The following TIAM1 variants were observed in gnomAD, a reference collection of about 807,000 sequenced individuals.
TIAM1 encodes TIAM Rac1 associated GEF 1.
A neutral mutation model predicts 163.5 loss-of-function variants in TIAM1; 65 were observed. That is an observed-to-expected ratio of 0.40 (90% CI 0.33 to 0.49). TIAM1 has a LOEUF of 0.49. TIAM1 is among the 20% of genes least tolerant of loss of function. The pLI is 0.77. For missense variants in TIAM1, 1,789 were observed against 2,044.7 expected, an observed-to-expected ratio of 0.87 and a Z score of 2.41; for synonymous variants, 833 against 810.1, an observed-to-expected ratio of 1.03 and a Z score of -0.48.
chr21:31,349,949 G>A (rs564605725), intron 2 of TIAM1, among the ~76,000 whole-genome samples: 4 of 152,332 alleles, frequency 2.6e-5, no homozygotes, highest in African/African-American at 4.8e-5. Flanking sequence ...CTAAATGGGC[G>A]AATGGGCACT....
intron 5 of TIAM1, among the ~76,000 whole-genome samples, chr21:31,249,137 C>A (rs743317): frequency 0.26 from 39,431 of 152,046 alleles, 7,777 homozygotes; most frequent in African/African-American, 0.53. Context: ...ATATGATCAT[C>A]TTTGGAAATA....
At chr21:31,452,598 A>G in intron 2 of TIAM1, 1 of 568,068 alleles carries the variant, frequency 1.8e-6, no homozygotes, top group Non-Finnish European at 3.3e-6. Context: ...ATATAGCACT[A>G]AGTTATGTGC....
In TIAM1 at chr21:31,339,345, A is replaced by G; in HGVS notation, c.-291T>C. The G allele has an allele frequency of 2.5e-6, 1 of 398,666 alleles. No individual in the cohort carries two copies. Among genetic ancestry groups the G allele is most frequent in the African/African-American group, 2.1e-5 (1 of 48,764 alleles). 24.7% of individuals were successfully genotyped at this position (398,666 alleles called of 1,614,324 possible). On this transcript the variant is annotated 5_prime_UTR_variant, in exon 2 of 28. It removes an upstream start codon present in the reference 5' UTR. Transcript: ENST00000541036. ...GACTAGGATTCAGAGCATTATGCCC[A>G]TGGTACCAACCAGCCTCCTCTTCCT...
chr21:31,549,030 C>T (rs2833445), intron 1 of TIAM1, among the ~76,000 whole-genome samples: 9,808 of 152,256 alleles, frequency 0.064, 383 homozygotes, highest in Middle Eastern at 0.095. Context: ...GTTTAACACC[C>T]AAAAGCTGAT....
intron 2 of TIAM1, among the ~76,000 whole-genome samples, chr21:31,288,681 T>C (rs879148705): frequency 6.6e-6 from 1 of 152,144 alleles, no homozygotes; most frequent in Non-Finnish European, 1.5e-5. Context: ...ACACAAATAA[T>C]GGCCAATTCC....
intron 3 of TIAM1, among the ~76,000 whole-genome samples, chr21:31,269,023 G>C (rs990759293): frequency 3.8e-4 from 58 of 152,162 alleles, no homozygotes; most frequent in Admixed American, 6.5e-5. Flanking sequence ...GAAATAAATT[G>C]AGTAAAAGGC....
intron 12 of TIAM1, among the ~76,000 whole-genome samples, chr21:31,202,439 G>A (rs1250758925): frequency 6.6e-6 from 1 of 151,994 alleles, no homozygotes; most frequent in African/African-American, 2.4e-5. Context: ...GGAGCTGCGT[G>A]CCTGTGGTTC....
chr21:31,263,569 GC>G (rs2072595639), intron 4 of TIAM1, among the ~76,000 whole-genome samples: 1 of 152,058 alleles, frequency 6.6e-6, no homozygotes, highest in Non-Finnish European at 1.5e-5. Flanking sequence ...CCTTTGCTTT[GC>G]CCATTTTCTG....
intron 2 of TIAM1, among the ~76,000 whole-genome samples, chr21:31,314,393 C>T (rs1432578022): frequency 6.6e-6 from 1 of 152,192 alleles, no homozygotes; most frequent in Non-Finnish European, 1.5e-5. Context: ...GCCCACTAAA[C>T]TCTTTGACCC....
At position 31,226,027 on chromosome 21, in the gene TIAM1, AG is replaced by A. The variant is rs1206841631; in HGVS notation, c.1585-78del. The A allele has an allele frequency of 1.1e-5, 15 of 1,317,618 alleles. No individual in the cohort carries two copies. In the East Asian group the frequency reaches 3.3e-4, roughly 29 times the overall value. The allele number at this position is 1,317,618 out of a possible 1,614,324, so 81.6% of individuals were successfully genotyped here. The stretch of plus-strand genomic sequence containing the variant: ...GAGAAATGAACCGGAGCATTTCCAG[AG>A]AAGCAATGCCTGGGAGTCGAGGTGA... On this transcript the variant is annotated intron_variant, in intron 6 of 27. Coordinates refer to ENST00000541036, the MANE Select transcript of TIAM1 (RefSeq NM_001353694.2).
chr21:31,154,019 A>C (rs1284299582), intron 17 of TIAM1, among the ~76,000 whole-genome samples: 3 of 152,142 alleles, frequency 2.0e-5, no homozygotes, highest in Non-Finnish European at 4.4e-5. Context: ...AGCTATGATC[A>C]CACCACTGTA....
chr21:31,421,475 G>C (rs1486732508), intron 2 of TIAM1, among the ~76,000 whole-genome samples: 1 of 152,216 alleles, frequency 6.6e-6, no homozygotes, highest in African/African-American at 2.4e-5. Flanking sequence ...TCCGCCTCCT[G>C]TCAGATCAGC....
intron 2 of TIAM1, among the ~76,000 whole-genome samples, chr21:31,309,242 GT>G (rs1401300729): frequency 6.6e-6 from 1 of 152,210 alleles, no homozygotes; most frequent in Non-Finnish European, 1.5e-5. Flanking sequence ...CAAATCACCT[GT>G]GGTCAAGAGT....
At chr21:31,296,715 G>A (rs891462434) in intron 2 of TIAM1, among the ~76,000 whole-genome samples, 22 of 151,892 alleles carry the variant, frequency 1.4e-4, no homozygotes, top group Non-Finnish European at 2.5e-4. Context: ...CCAGGCTGGA[G>A]TGCAGTGGTG....
chr21:31,247,934 C>T (rs2071593635), intron 5 of TIAM1, among the ~76,000 whole-genome samples: 1 of 152,130 alleles, frequency 6.6e-6, no homozygotes, highest in Non-Finnish European at 1.5e-5. Context: ...CCGTTTTCCT[C>T]TAAGTCAGAG....
chr21:31,240,476 AC>A (rs2146697162), intron 6 of TIAM1, among the ~76,000 whole-genome samples: 1 of 152,308 alleles, frequency 6.6e-6, no homozygotes, highest in South Asian at 2.1e-4. Context: ...GCTGTGTAGC[AC>A]CACAGGAGGG....
chr21:31,286,885 A>C (rs537284642), intron 2 of TIAM1, among the ~76,000 whole-genome samples: 6 of 152,298 alleles, frequency 3.9e-5, no homozygotes, highest in African/African-American at 1.4e-4. Context: ...TTGAGTCCCA[A>C]GTCACTCCCT....
chr21:31,245,680 G>T lies in TIAM1; in HGVS notation c.1412-20C>A. ...TGCATCCTGAGGAAACAGAACAGGG[G>T]TGTGCATGAGTATTCAGTGCTTGGG... is the stretch of plus-strand genomic sequence containing the variant. On this transcript the variant is annotated intron_variant, in intron 5 of 27. Transcript: ENST00000541036. 1.3e-6 allele frequency: 2 copies of T among 1,496,310 alleles called. No homozygotes were observed. Among genetic ancestry groups the T allele is most frequent in the African/African-American group, 1.4e-5 (1 of 70,936 alleles). 92.7% of individuals were successfully genotyped at this position (1,496,310 alleles called of 1,614,324 possible). A position where few individuals can be genotyped will look rare whatever the true frequency, so the allele number is the denominator to read the frequency against.
Position 31,266,127 on chromosome 21 carries a change from C to T in TIAM1, c.846G>A (p.Pro282=), listed in dbSNP as rs372602456. 1.3e-4 allele frequency: 208 copies of T among 1,614,020 alleles called. No homozygotes were observed. The highest frequency in any genetic ancestry group is 1.6e-4 in the Middle Eastern group (1 of 6,084). The change falls in exon 4 of 28, where the codon CCG becomes CCA. Residue 282 remains proline, a synonymous_variant. Transcript: ENST00000541036. ...MPPAAAEETP[P]YSNYNTLPCR... The stretch of plus-strand genomic sequence containing the variant: ...AGGGAAGTGTGTTATAATTACTGTA[C>T]GGAGGAGTCTCTTCAGCAGCAGCTG...
Sources: allele counts gnomAD v4.1 joint callset (sites outside exome capture counted in the v4.1 genomes callset), GRCh38; gene constraint gnomAD v4.1.1; transcripts MANE v1.5; gene names NCBI Gene and HGNC (gene_info 2026-07-23, HGNC 2026-07-21).